SOX5: variants seen among roughly 807,000 people sequenced by gnomAD.
The protein encoded by SOX5 is transcription factor SOX-5.
Under a neutral mutation model 92.0 loss-of-function variants are expected in SOX5, and 9 were observed. The observed-to-expected ratio is 0.10, with a 90% CI of 0.06 to 0.17. The LOEUF is 0.17. SOX5 is among the 10% of genes least tolerant of loss of function. The pLI, the probability that SOX5 is intolerant of heterozygous loss-of-function variation, is 1.00. For synonymous variants in SOX5, 344 were observed against 336.3 expected (o/e 1.02, Z -0.25); for missense variants, 642 against 944.5 (o/e 0.68, Z 4.20).
At chr12:24,354,617 G>A (rs1229214361) in intron 2 of SOX5, among the ~76,000 whole-genome samples, 4 of 152,224 alleles carry the variant, frequency 2.6e-5, no homozygotes, top group Non-Finnish European at 4.4e-5. Context: ...AGGATGAATG[G>A]TGATGGAGAT....
At chr12:23,722,625 G>A (rs575001953) in intron 6 of SOX5, among the ~76,000 whole-genome samples, 96 of 152,272 alleles carry the variant, frequency 6.3e-4, no homozygotes, top group African/African-American at 2.1e-3. Flanking sequence ...GTTTGCTTGC[G>A]AAATGATTTT....
chr12:24,396,857 G>C (rs1005001871), intron 1 of SOX5, among the ~76,000 whole-genome samples: 5 of 152,196 alleles, frequency 3.3e-5, no homozygotes, highest in African/African-American at 1.2e-4. Flanking sequence ...TCTGCCAGAG[G>C]GAGATGTTTG....
At chr12:24,362,383 G>A (rs1377470331) in intron 2 of SOX5, among the ~76,000 whole-genome samples, 2 of 152,172 alleles carry the variant, frequency 1.3e-5, no homozygotes, top group Non-Finnish European at 2.9e-5. Flanking sequence ...TTTTGTGCAA[G>A]ACAGTAACCT....
chr12:23,768,898 G>T (rs888252481), intron 3 of SOX5, among the ~76,000 whole-genome samples: 1 of 152,054 alleles, frequency 6.6e-6, no homozygotes, highest in African/African-American at 2.4e-5. Flanking sequence ...AAACAAAAAC[G>T]CTATTGTTCC....
Position 24,519,530 on chromosome 12 carries a change from G to A in SOX5, c.-251+42799C>T, listed in dbSNP as rs1950084316. On this transcript the variant is annotated intron_variant, in intron 1 of 4. Transcript: ENST00000446891. Reference sequence around the variant, plus strand: ...GAGTATACCATTCAAGATACCTGGAGAAAAAGTGTTCTATGCAGCAGAAAC... The same window carrying A: ...GAGTATACCATTCAAGATACCTGGAAAAAAAGTGTTCTATGCAGCAGAAAC... Among the ~76,000 whole-genome samples, 3 of 152,094 alleles carry A rather than the reference G, an allele frequency of 2.0e-5. No homozygotes were observed. The South Asian group carries it at 6.2e-4, about 32-fold the overall frequency.
intron 3 of SOX5, among the ~76,000 whole-genome samples, chr12:24,235,530 T>A (rs1256930078): frequency 1.3e-5 from 2 of 152,144 alleles, no homozygotes; most frequent in South Asian, 2.1e-4. Flanking sequence ...ACTAATAACA[T>A]CTTGAAAAAG....
chr12:23,796,117 C>A (rs1432095701), intron 3 of SOX5, among the ~76,000 whole-genome samples: 1 of 152,130 alleles, frequency 6.6e-6, no homozygotes, highest in Non-Finnish European at 1.5e-5. Context: ...TTATGATGAA[C>A]ACTTTTAAAT....
At chr12:24,166,359 C>T (rs114818243) in intron 4 of SOX5, among the ~76,000 whole-genome samples, 66 of 152,186 alleles carry the variant, frequency 4.3e-4, no homozygotes, top group African/African-American at 1.5e-3. Context: ...ACAGACCTCC[C>T]GTTCAAGAGA....
chr12:24,259,936 T>C (rs2728853), intron 3 of SOX5, among the ~76,000 whole-genome samples: 97,631 of 152,036 alleles, frequency 0.64, 34,318 homozygotes, highest in East Asian at 0.95. Flanking sequence ...AAGTTTGATG[T>C]TGGATTTGAT....
chr12:23,950,778 T>C (rs532610223), upstream of SOX5: 2 of 1,210,324 alleles, frequency 1.7e-6, no homozygotes, highest in South Asian at 2.6e-5. Context: ...ATTATCTAGA[T>C]AAAAATCTGG....
chr12:24,140,733 C>T (rs989995623), intron 4 of SOX5, among the ~76,000 whole-genome samples: 2 of 152,032 alleles, frequency 1.3e-5, no homozygotes, highest in South Asian at 2.1e-4. Context: ...TACTCCTAAA[C>T]GGTCTATAAT....
chr12:23,973,096 G>A (rs541540630), intron 4 of SOX5, among the ~76,000 whole-genome samples: 14 of 150,818 alleles, frequency 9.3e-5, no homozygotes, highest in Middle Eastern at 3.5e-3. Context: ...AGCTTGTTTC[G>A]CTTATCATAA....
At chr12:24,360,021 G>T (rs1955357240) in intron 2 of SOX5, among the ~76,000 whole-genome samples, 1 of 152,238 alleles carries the variant, frequency 6.6e-6, no homozygotes, top group Non-Finnish European at 1.5e-5. Flanking sequence ...GGATGGCAGG[G>T]ACGGAGGGAA....
intron 7 of SOX5, among the ~76,000 whole-genome samples, chr12:23,652,566 C>T (rs947985842): frequency 2.0e-5 from 3 of 148,360 alleles, no homozygotes; most frequent in Non-Finnish European, 3.0e-5. Context: ...ACAATAAGCT[C>T]CACCTTCACA....
intron 6 of SOX5, among the ~76,000 whole-genome samples, chr12:23,716,890 A>G (rs930154752): frequency 6.6e-6 from 1 of 152,174 alleles, no homozygotes; most frequent in Non-Finnish European, 1.5e-5. Context: ...GGAAAATACC[A>G]TCATTCTTCC....
intron 2 of SOX5, among the ~76,000 whole-genome samples, chr12:23,866,109 C>A (rs2096809821): frequency 6.6e-6 from 1 of 152,162 alleles, no homozygotes; most frequent in Non-Finnish European, 1.5e-5. Context: ...GTTGAAATAA[C>A]AACAAAGTAT....
intron 6 of SOX5, among the ~76,000 whole-genome samples, chr12:23,667,668 G>T (rs1001328487): frequency 6.6e-6 from 1 of 152,136 alleles, no homozygotes; most frequent in Non-Finnish European, 1.5e-5. Flanking sequence ...TCTCAATCTA[G>T]TGAGGGGAAG....
At chr12:24,148,914 A>G (rs12826326) in intron 4 of SOX5, among the ~76,000 whole-genome samples, 4,985 of 152,014 alleles carry the variant, frequency 0.033, 104 homozygotes, top group South Asian at 0.076. Context: ...CATAAAAATA[A>G]AAAATTTAAT....
At chr12:23,849,719 A>G (rs1199135825) in intron 2 of SOX5, among the ~76,000 whole-genome samples, 2 of 152,182 alleles carry the variant, frequency 1.3e-5, no homozygotes, top group Non-Finnish European at 2.9e-5. Flanking sequence ...TAAATCAACC[A>G]CATTCCAGAC....
Sources: gnomAD v4.1 joint callset for allele counts (sites outside exome capture counted in the v4.1 genomes callset) on GRCh38, gnomAD v4.1.1 for gene constraint, MANE v1.5 for transcripts, NCBI Gene and HGNC (gene_info 2026-07-23, HGNC 2026-07-21) for gene names.